USP32: variants seen among roughly 807,000 people sequenced by gnomAD.
The protein encoded by USP32 is ubiquitin specific peptidase 32, also known as ubiquitin carboxyl-terminal hydrolase 32.
Under a neutral mutation model 204.8 loss-of-function variants are expected in USP32, and 59 were observed. That is an observed-to-expected ratio of 0.29 (90% CI 0.23 to 0.36). USP32 has a LOEUF of 0.36. USP32 is among the 10% of genes least tolerant of loss of function. The pLI is 1.00. For missense variants in USP32, 1,160 were observed against 1,946.4 expected, an observed-to-expected ratio of 0.60 and a Z score of 7.60; for synonymous variants, 517 against 678.4, an observed-to-expected ratio of 0.76 and a Z score of 3.70.
intron 9 of USP32, among the ~76,000 whole-genome samples, chr17:60,264,785 G>C (rs34781040): frequency 6.6e-6 from 1 of 150,516 alleles, no homozygotes; most frequent in Non-Finnish European, 1.5e-5. Context: ...ACTTGAAGCC[G>C]GGAGGCAGAG....
intron 1 of USP32, among the ~76,000 whole-genome samples, chr17:60,348,110 A>C (rs11651173): frequency 0.019 from 2,821 of 151,822 alleles, 33 homozygotes; most frequent in Non-Finnish European, 0.029. Flanking sequence ...CAACAGAGCG[A>C]GACCCCGTCT....
chr17:60,348,779 A>G (rs1372126736), intron 1 of USP32, among the ~76,000 whole-genome samples: 2 of 151,702 alleles, frequency 1.3e-5, no homozygotes, highest in Non-Finnish European at 2.9e-5. Context: ...AAAAAAAAAG[A>G]TAAAGACTAA....
chr17:60,255,277 T>C lies in USP32; in HGVS notation c.991-19A>G, dbSNP rs373307373. ...GACCCATCTGAAACAGAGACACTCA[T>C]GTTAGGAACATCTTTTTTTTCTTTT... On this transcript the variant is annotated intron_variant, in intron 9 of 33. Transcript: ENST00000300896. 3.6e-5 allele frequency: 56 copies of C among 1,560,288 alleles called. No homozygotes were observed. The highest frequency in any genetic ancestry group is 4.3e-5 in the Non-Finnish European group (49 of 1,152,274).
At chr17:60,224,270 G>A (rs2085328766) in intron 13 of USP32, among the ~76,000 whole-genome samples, 1 of 152,198 alleles carries the variant, frequency 6.6e-6, no homozygotes, top group South Asian at 2.1e-4. Context: ...GGTGTCACAA[G>A]TTATATGGTA....
At chr17:60,318,997 G>A (rs1474004104) in intron 2 of USP32, among the ~76,000 whole-genome samples, 4 of 152,166 alleles carry the variant, frequency 2.6e-5, no homozygotes. Context: ...GCTACAAAAG[G>A]ACACATATTA....
intron 2 of USP32, among the ~76,000 whole-genome samples, chr17:60,341,460 G>A (rs566201075): frequency 3.3e-5 from 5 of 151,774 alleles, no homozygotes; most frequent in Admixed American, 1.3e-4. Context: ...ATGAAATTCC[G>A]GGTTGAAAAT....
chr17:60,360,533 C>T (rs903167473), intron 1 of USP32, among the ~76,000 whole-genome samples: 1 of 151,730 alleles, frequency 6.6e-6, no homozygotes, highest in Non-Finnish European at 1.5e-5. Flanking sequence ...GTGGCACATG[C>T]CTGTAGTCCC....
chr17:60,260,251 T>C (rs889034362), intron 9 of USP32, among the ~76,000 whole-genome samples: 14 of 152,160 alleles, frequency 9.2e-5, no homozygotes, highest in Non-Finnish European at 1.3e-4. Context: ...CTGGGTGCGG[T>C]GGCTCATGCC....
chr17:60,199,114 C>CAA (rs374479254), intron 26 of USP32, among the ~76,000 whole-genome samples: 1 of 81,108 alleles, frequency 1.2e-5, no homozygotes, highest in South Asian at 4.6e-4. Context: ...AGACCTGTCT[C>CAA]AAAAAAAAAA....
At chr17:60,412,194 A>G (rs537632459) in intron 1 of USP32, among the ~76,000 whole-genome samples, 80 of 152,240 alleles carry the variant, frequency 5.3e-4, no homozygotes, top group South Asian at 1.0e-3. Flanking sequence ...ATAATTGCCT[A>G]GGATATTTAT....
chr17:60,193,202 T>C (rs59512114), intron 27 of USP32, among the ~76,000 whole-genome samples: 9,454 of 152,300 alleles, frequency 0.062, 1,053 homozygotes, highest in African/African-American at 0.22. Context: ...GAAAATTTTA[T>C]AAGATAAGCT....
At chr17:60,362,102 A>C (rs1421324138) in intron 1 of USP32, among the ~76,000 whole-genome samples, 1 of 152,094 alleles carries the variant, frequency 6.6e-6, no homozygotes, top group Admixed American at 6.6e-5. Context: ...CTGTAATCAA[A>C]ATGAACCACC....
upstream of USP32, among the ~76,000 whole-genome samples, chr17:60,394,580 A>G (rs933353495): frequency 3.3e-5 from 5 of 152,182 alleles, no homozygotes; most frequent in East Asian, 1.9e-4. Context: ...TCGTTTTCCA[A>G]TGGGGTGCAT....
chr17:60,221,559 C>G (rs1011649793), intron 15 of USP32, among the ~76,000 whole-genome samples: 2 of 150,398 alleles, frequency 1.3e-5, no homozygotes, highest in Non-Finnish European at 3.0e-5. Context: ...GGCAGGAGTG[C>G]AATGGTGTGC....
Position 60,269,441 on chromosome 17 carries a change from C to G in USP32, c.811+9G>C. 6.2e-7 allele frequency: 1 copy of G among 1,604,024 alleles called. No homozygotes were observed. The highest frequency in any genetic ancestry group is 8.5e-7 in the Non-Finnish European group (1 of 1,175,390). ...TTTGCAATTTTTTGACAATGTTTAA[C>G]ACACTTACATTTTTGTCTTTCAGCC... On this transcript the variant is annotated intron_variant, in intron 7 of 33. Transcript: ENST00000300896.
intron 1 of USP32, among the ~76,000 whole-genome samples, chr17:60,386,384 T>A (rs1168395443): frequency 7.0e-6 from 1 of 142,324 alleles, no homozygotes; most frequent in Non-Finnish European, 1.6e-5. Flanking sequence ...AAAAAAAAAA[T>A]CCCTCCACCA....
intron 2 of USP32, among the ~76,000 whole-genome samples, chr17:60,316,889 A>G (rs1470302633): frequency 6.6e-6 from 1 of 152,174 alleles, no homozygotes; most frequent in Non-Finnish European, 1.5e-5. Flanking sequence ...TATACGCTAC[A>G]AATGGATGAA....
intron 16 of USP32, among the ~76,000 whole-genome samples, chr17:60,217,347 G>C (rs1440200783): frequency 6.6e-6 from 1 of 152,148 alleles, no homozygotes; most frequent in Non-Finnish European, 1.5e-5. Flanking sequence ...CCAGAATAGA[G>C]TGCATGGCGC....
chr17:60,332,613 A>C (rs1221782665), intron 2 of USP32, among the ~76,000 whole-genome samples: 1 of 152,202 alleles, frequency 6.6e-6, no homozygotes, highest in East Asian at 1.9e-4. Context: ...ATGCCATTGC[A>C]CTCCAGCCTG....
Sources: allele counts gnomAD v4.1 joint callset (sites outside exome capture counted in the v4.1 genomes callset), GRCh38; gene constraint gnomAD v4.1.1; transcripts MANE v1.5; gene names NCBI Gene and HGNC (gene_info 2026-07-23, HGNC 2026-07-21).